Variants in DOCK4 observed in about 807,000 individuals in gnomAD.
DOCK4 encodes the protein dedicator of cytokinesis protein 4.
DOCK4 carries 97 observed loss-of-function variants against 268.1 expected under a neutral mutation model. The observed-to-expected ratio is 0.36, with a 90% CI of 0.31 to 0.43. The LOEUF (loss-of-function observed/expected upper bound fraction) is 0.43, where lower values mean the gene tolerates loss of function less well. Among genes scored for constraint, DOCK4 ranks in the 20% least tolerant of loss-of-function variants. DOCK4 has a pLI of 1.00. For synonymous variants in DOCK4, 954 were observed against 887.2 expected (o/e 1.08, Z -1.34); for missense variants, 2,145 against 2,455.7 (o/e 0.87, Z 2.67).
intron 1 of DOCK4, among the ~76,000 whole-genome samples, chr7:112,180,624 A>G (rs1024084318): frequency 1.3e-5 from 2 of 152,184 alleles, no homozygotes; most frequent in Non-Finnish European, 2.9e-5. Flanking sequence ...TGTCCGTGCC[A>G]TGACGACAGC....
intron 27 of DOCK4, chr7:111,821,654 C>T (rs1218108711): frequency 6.6e-6 from 1 of 152,126 alleles, no homozygotes; most frequent in Admixed American, 6.5e-5. Context: ...ATTCCAATAT[C>T]GACTTTATGT....
At chr7:112,192,485 A>G (rs530889224) in intron 1 of DOCK4, among the ~76,000 whole-genome samples, 40 of 152,300 alleles carry the variant, frequency 2.6e-4, no homozygotes, top group African/African-American at 9.6e-4. Flanking sequence ...TTTCCTCCTC[A>G]GGGCTGTTTC....
intron 7 of DOCK4, among the ~76,000 whole-genome samples, chr7:111,982,034 T>C (rs1422896391): frequency 6.6e-6 from 1 of 152,192 alleles, no homozygotes; most frequent in Non-Finnish European, 1.5e-5. Context: ...CTCAACTAAA[T>C]ACAGGGGTGT....
chr7:111,992,323 C>T (rs1479537381), intron 5 of DOCK4, among the ~76,000 whole-genome samples: 1 of 152,104 alleles, frequency 6.6e-6, no homozygotes, highest in Non-Finnish European at 1.5e-5. Flanking sequence ...TGGACAATAA[C>T]CTAAACACAC....
At chr7:112,144,170 T>C (rs1428687879) in intron 1 of DOCK4, among the ~76,000 whole-genome samples, 2 of 152,190 alleles carry the variant, frequency 1.3e-5, no homozygotes, top group African/African-American at 2.4e-5. Flanking sequence ...CTTCCTCTAG[T>C]GACAGTATTA....
intron 8 of DOCK4, chr7:111,971,710 G>T (rs529174663): frequency 4.4e-4 from 139 of 314,686 alleles, no homozygotes; most frequent in South Asian, 2.9e-3. Flanking sequence ...GTCTGTACTT[G>T]TGGGCCAGCT....
At chr7:111,906,126 A>C (rs1183218868) in intron 13 of DOCK4, among the ~76,000 whole-genome samples, 3 of 152,192 alleles carry the variant, frequency 2.0e-5, no homozygotes, top group Admixed American at 6.5e-5. Context: ...AAGAATGGCC[A>C]TCAAATAAGC....
chr7:111,797,987 A>G (rs961986600), intron 30 of DOCK4, among the ~76,000 whole-genome samples: 5 of 152,342 alleles, frequency 3.3e-5, no homozygotes, highest in African/African-American at 9.6e-5. Context: ...GTCTTTTATA[A>G]TAGGGACCAG....
At chr7:112,169,634 G>C (rs1368039438) in intron 1 of DOCK4, among the ~76,000 whole-genome samples, 1 of 152,166 alleles carries the variant, frequency 6.6e-6, no homozygotes, top group Non-Finnish European at 1.5e-5. Context: ...TCATGCATCT[G>C]TCGACCATCC....
At chr7:111,991,737 G>A (rs146099726) in intron 5 of DOCK4, among the ~76,000 whole-genome samples, 4,612 of 151,416 alleles carry the variant, frequency 0.03, 167 homozygotes, top group East Asian at 0.15. Flanking sequence ...CGAAGTGGGC[G>A]GATCATGAGG....
chr7:111,787,266 T>C (rs917300489), intron 32 of DOCK4, among the ~76,000 whole-genome samples: 3 of 152,190 alleles, frequency 2.0e-5, no homozygotes, highest in African/African-American at 7.2e-5. Flanking sequence ...ATTTTGGTTC[T>C]TTGTTCAAAC....
chr7:111,766,299 C>T (rs1457254592), intron 38 of DOCK4, among the ~76,000 whole-genome samples: 6 of 152,100 alleles, frequency 3.9e-5, no homozygotes, highest in East Asian at 1.9e-4. Flanking sequence ...ATGGTATTAT[C>T]TCTTAAATGG....
chr7:112,144,035 A>G (rs1335646536), intron 1 of DOCK4, among the ~76,000 whole-genome samples: 1 of 152,200 alleles, frequency 6.6e-6, no homozygotes, highest in East Asian at 1.9e-4. Flanking sequence ...GGGCTTGGTA[A>G]TATCTCTGCA....
intron 28 of DOCK4, 143 bp from the exon 29 acceptor site, chr7:111,809,544 C>A (rs1387982739): frequency 3.0e-5 from 19 of 640,970 alleles, no homozygotes; most frequent in Non-Finnish European, 4.7e-5. Flanking sequence ...ATAGTTGAAG[C>A]TGGATATGGG....
intron 41 of DOCK4, among the ~76,000 whole-genome samples, chr7:111,758,278 T>C (rs978206533): frequency 2.0e-5 from 3 of 152,140 alleles, no homozygotes; most frequent in Non-Finnish European, 4.4e-5. Flanking sequence ...CCACAATTGG[T>C]TCAACATAAA....
chr7:112,142,180 C>A (rs1814995022), intron 1 of DOCK4, among the ~76,000 whole-genome samples: 2 of 151,974 alleles, frequency 1.3e-5, no homozygotes, highest in South Asian at 4.2e-4. Context: ...GAAACTGTGG[C>A]ATAGAGAGAA....
intron 36 of DOCK4, among the ~76,000 whole-genome samples, chr7:111,776,335 GA>G (rs1304463232): frequency 6.6e-6 from 1 of 152,096 alleles, no homozygotes; most frequent in East Asian, 1.9e-4. Flanking sequence ...TCTTTGCAAA[GA>G]AATTGAAGCT....
chr7:111,936,481 TATGAATGG>T (rs969616206), intron 11 of DOCK4, among the ~76,000 whole-genome samples: 6 of 145,552 alleles, frequency 4.1e-5, no homozygotes, highest in African/African-American at 1.6e-4. Context: ...CTGTCAGTGG[TATGAATGG>T]ATGGATGGAT....
At chr7:112,142,924 T>A (rs1412257045) in intron 1 of DOCK4, among the ~76,000 whole-genome samples, 1 of 152,202 alleles carries the variant, frequency 6.6e-6, no homozygotes, top group Admixed American at 6.5e-5. Flanking sequence ...TATTTGTTTT[T>A]ACTAGACATT....
Sources: allele counts gnomAD v4.1 joint callset (sites outside exome capture counted in the v4.1 genomes callset), GRCh38; gene constraint gnomAD v4.1.1; transcripts MANE v1.5; gene names NCBI Gene and HGNC (gene_info 2026-07-23, HGNC 2026-07-21).